TNS3: variants seen among roughly 807,000 people sequenced by gnomAD.
TNS3 encodes the protein tensin-3.
TNS3 carries 45 observed loss-of-function variants against 140.9 expected under a neutral mutation model. That is an observed-to-expected ratio of 0.32 (90% CI 0.25 to 0.41). TNS3 has a LOEUF of 0.41. Among genes scored for constraint, TNS3 ranks in the 10% least tolerant of loss-of-function variants. The probability of loss-of-function intolerance (pLI) is 1.00; values close to 1 mark genes in which losing one functional copy is unlikely to be tolerated. For missense variants in TNS3, 1,716 were observed against 1,906.7 expected, an observed-to-expected ratio of 0.90 and a Z score of 1.86; for synonymous variants, 815 against 788.4, an observed-to-expected ratio of 1.03 and a Z score of -0.56.
intron 2 of TNS3, among the ~76,000 whole-genome samples, chr7:47,510,523 G>A (rs187412452): frequency 6.6e-6 from 1 of 152,258 alleles, no homozygotes; most frequent in Non-Finnish European, 1.5e-5. Context: ...AAGTGAGTCT[G>A]TCATCATAAA....
intron 20 of TNS3, among the ~76,000 whole-genome samples, chr7:47,315,536 C>T (rs2150800119): frequency 6.6e-6 from 1 of 152,334 alleles, no homozygotes; most frequent in South Asian, 2.1e-4. Context: ...ATCCAGGCTT[C>T]TGTGGGAAGC....
intron 1 of TNS3, among the ~76,000 whole-genome samples, chr7:47,572,245 A>T (rs555357337): frequency 3.9e-5 from 6 of 152,346 alleles, no homozygotes; most frequent in African/African-American, 1.4e-4. Flanking sequence ...CTGAGAAGTC[A>T]CTACAGTCAT....
intron 13 of TNS3, among the ~76,000 whole-genome samples, chr7:47,406,656 A>C (rs1007175661): frequency 6.6e-6 from 1 of 152,224 alleles, no homozygotes; most frequent in Non-Finnish European, 1.5e-5. Context: ...TGAGGGCACC[A>C]AGCCATCTGC....
intron 8 of TNS3, among the ~76,000 whole-genome samples, chr7:47,433,919 CTCTT>C (rs1235527809): frequency 7.8e-6 from 1 of 128,424 alleles, no homozygotes; most frequent in Non-Finnish European, 1.7e-5. Context: ...CTCTCTCTCT[CTCTT>C]AGTTTGCACC....
chr7:47,427,217 A>T (rs1166369464), intron 9 of TNS3, among the ~76,000 whole-genome samples: 1 of 151,522 alleles, frequency 6.6e-6, no homozygotes, highest in Non-Finnish European at 1.5e-5. Flanking sequence ...TGTCTTTGGC[A>T]TCATTGAGGG....
At chr7:47,561,290 C>T (rs1329384984) in intron 1 of TNS3, among the ~76,000 whole-genome samples, 3 of 152,242 alleles carry the variant, frequency 2.0e-5, no homozygotes, top group Middle Eastern at 3.4e-3. Context: ...ATCACACTGC[C>T]TTTGGCCACC....
At chr7:47,527,431 G>T (rs541380094) in intron 2 of TNS3, among the ~76,000 whole-genome samples, 3 of 152,120 alleles carry the variant, frequency 2.0e-5, no homozygotes, top group Non-Finnish European at 4.4e-5. Context: ...GAGCAAGCTT[G>T]ATGGAGGACG....
At chr7:47,280,465 T>A in intron 28 of TNS3, 111 bp from the exon 29 acceptor site, 1 of 979,672 alleles carries the variant, frequency 1.0e-6, no homozygotes, top group Non-Finnish European at 1.6e-6. Flanking sequence ...GCAGAAAACA[T>A]TTCATACTTT....
At position 47,369,548 on chromosome 7, in the gene TNS3, G is replaced by A. The variant is rs767486919; in HGVS notation, c.1098C>T (p.Gly366=). The A allele has an allele frequency of 1.2e-6, 2 of 1,613,000 alleles. No individual in the cohort carries two copies. The highest frequency in any genetic ancestry group is 1.6e-4 in the Middle Eastern group (1 of 6,062). ...KVRKKSSSDP[G]IPGGPQAIPA... is the part of the protein sequence containing the mutation. ...GGATTGCCTGGGGGCCACCTGGGAT[G>A]CCAGGATCCGAGGAGCTTTTCTTCC... is the stretch of plus-strand genomic sequence containing the variant. Residue 366 remains glycine (G), a synonymous_variant, in exon 17 of 31, where the codon GGC becomes GGT. Coordinates refer to ENST00000311160, the MANE Select transcript of TNS3 (RefSeq NM_022748.12).
rs147477582 is a variant in TNS3 at position 47,511,876 on chromosome 7, C to T, written c.-152-4932G>A. Among the ~76,000 whole-genome samples the T allele has an allele frequency of 9.8e-3, 1,490 of 152,332 alleles. 12 individuals are homozygous for T. The highest frequency in any genetic ancestry group is 0.014 in the Non-Finnish European group (973 of 68,032). Reference sequence around the variant, plus strand: ...CCGGAGCCTGCCGGCCGCTGCACCTCCCCCTGCAGAAGACACATGCCCTGC... The same window carrying T: ...CCGGAGCCTGCCGGCCGCTGCACCTTCCCCTGCAGAAGACACATGCCCTGC... On this transcript the variant is annotated intron_variant, in intron 2 of 30. Coordinates refer to ENST00000311160, the MANE Select transcript of TNS3 (RefSeq NM_022748.12).
At chr7:47,400,349 C>T in intron 15 of TNS3, 44 bp downstream of exon 15, 1 of 1,555,794 alleles carries the variant, frequency 6.4e-7, no homozygotes, top group Non-Finnish European at 8.9e-7. Flanking sequence ...GCACCTTTCA[C>T]CAGTGTCAGC....
chr7:47,547,176 G>C (rs1451853043), intron 1 of TNS3, among the ~76,000 whole-genome samples: 1 of 152,246 alleles, frequency 6.6e-6, no homozygotes, highest in Admixed American at 6.5e-5. Flanking sequence ...GAGGCAGTGT[G>C]TGTCGGGCTC....
At chr7:47,546,996 T>C (rs1351278535) in intron 1 of TNS3, among the ~76,000 whole-genome samples, 2 of 152,268 alleles carry the variant, frequency 1.3e-5, no homozygotes, top group Non-Finnish European at 2.9e-5. Flanking sequence ...TGGAACACCC[T>C]GAGCTGTGGC....
chr7:47,337,938 G>T (rs997736592), intron 20 of TNS3, among the ~76,000 whole-genome samples: 5 of 152,210 alleles, frequency 3.3e-5, no homozygotes, highest in Admixed American at 3.3e-4. Flanking sequence ...CATGTAAAAA[G>T]TGTGACATAT....
At chr7:47,565,350 C>T (rs926058014) in intron 1 of TNS3, among the ~76,000 whole-genome samples, 3 of 149,732 alleles carry the variant, frequency 2.0e-5, no homozygotes, top group African/African-American at 7.4e-5. Flanking sequence ...GCTGGGATTA[C>T]AGGCATGAGC....
Position 47,452,999 on chromosome 7 carries a change from C to T in TNS3, c.-75-10944G>A, listed in dbSNP as rs908222411. ...TCCCTTCCAGAAACAGCTCCTCCTA[C>T]GTTTCGCTCCTTCCCCTGCTTTAGT... On this transcript the variant is annotated intron_variant, in intron 4 of 30. Coordinates refer to ENST00000311160, the MANE Select transcript of TNS3 (RefSeq NM_022748.12). 15 of 985,404 alleles carry T rather than the reference C, an allele frequency of 1.5e-5. No individual in the cohort carries two copies. The East Asian group carries it at 4.5e-4, about 30-fold the overall frequency. The allele number at this position is 985,404 out of a possible 1,614,324, so 61.0% of individuals were successfully genotyped here. A position where few individuals can be genotyped will look rare whatever the true frequency, so the allele number is the denominator to read the frequency against.
intron 4 of TNS3, among the ~76,000 whole-genome samples, chr7:47,463,301 G>C (rs985867018): frequency 6.6e-6 from 1 of 152,088 alleles, no homozygotes; most frequent in Non-Finnish European, 1.5e-5. Context: ...ACAAATTGTC[G>C]GGAGTGGTTG....
At chr7:47,558,921 C>A (rs1800265443) in intron 1 of TNS3, among the ~76,000 whole-genome samples, 1 of 152,172 alleles carries the variant, frequency 6.6e-6, no homozygotes, top group African/African-American at 2.4e-5. Context: ...GCAAAACTGG[C>A]CGCAAATCTC....
chr7:47,440,731 T>C (rs1349720857), intron 5 of TNS3, among the ~76,000 whole-genome samples: 10 of 152,286 alleles, frequency 6.6e-5, no homozygotes, highest in Middle Eastern at 3.4e-3. Context: ...GGAGAGGGGA[T>C]GGGGTTGAAC....
Sources: allele counts gnomAD v4.1 joint callset (sites outside exome capture counted in the v4.1 genomes callset), GRCh38; gene constraint gnomAD v4.1.1; transcripts MANE v1.5; gene names NCBI Gene and HGNC (gene_info 2026-07-23, HGNC 2026-07-21).